PRKCA: variants seen among roughly 807,000 people sequenced by gnomAD.
PRKCA encodes the protein protein kinase C alpha type.
PRKCA carries 27 observed loss-of-function variants against 87.0 expected under a neutral mutation model. That is an observed-to-expected ratio of 0.31 (90% CI 0.23 to 0.43). PRKCA has a LOEUF of 0.43. Ranked by LOEUF, PRKCA falls within the 20% of genes least tolerant of loss-of-function variation. PRKCA has a pLI of 1.00. For missense variants in PRKCA, 518 were observed against 852.3 expected (o/e 0.61, Z 4.88); for synonymous variants, 329 against 311.1 (o/e 1.06, Z -0.61).
In PRKCA at chr17:66,578,169, T is replaced by C. The variant is rs568584908; in HGVS notation, c.289-63186T>C. On this transcript the variant is annotated intron_variant, in intron 3 of 16. Coordinates refer to ENST00000413366, the MANE Select transcript of PRKCA (RefSeq NM_002737.3). ...ACAAAACAAAACAAAACAGCCCTCA[T>C]TGTCTCCCTTTGATATTTGCCTTTC... Among the ~76,000 whole-genome samples the C allele has an allele frequency of 1.8e-4, 28 of 151,714 alleles. No homozygotes were observed. In the South Asian group the frequency reaches 5.6e-3, roughly 31 times the overall value.
chr17:66,457,981 G>A (rs1483233967), intron 2 of PRKCA, among the ~76,000 whole-genome samples: 2 of 151,954 alleles, frequency 1.3e-5, no homozygotes, highest in East Asian at 3.9e-4. Context: ...TATCCTCATG[G>A]GCTCTTTTTG....
chr17:66,799,698 T>C (rs1321028933), intron 16 of PRKCA, among the ~76,000 whole-genome samples: 2 of 150,676 alleles, frequency 1.3e-5, no homozygotes, highest in African/African-American at 4.9e-5. Context: ...GTGGTGGTGG[T>C]GATGAGGGTA....
intron 5 of PRKCA, among the ~76,000 whole-genome samples, chr17:66,670,476 C>T (rs930842368): frequency 3.9e-5 from 6 of 152,288 alleles, no homozygotes; most frequent in Non-Finnish European, 7.3e-5. Flanking sequence ...AAGATGCTAT[C>T]TCATTCTTTC....
At position 66,576,926 on chromosome 17, in the gene PRKCA, G is replaced by A. The variant is rs1484909481; in HGVS notation, c.289-64429G>A. Among the ~76,000 whole-genome samples, 4 of 149,932 alleles carry A rather than the reference G, an allele frequency of 2.7e-5. No homozygotes were observed. In the East Asian group the frequency reaches 5.9e-4, roughly 22 times the overall value. Reference sequence around the variant, plus strand: ...GTCTTGCTCTTTAACCCAGGCTGGAGTCCAGTGGTGCGATCTTGGCTCACT... The same window carrying A: ...GTCTTGCTCTTTAACCCAGGCTGGAATCCAGTGGTGCGATCTTGGCTCACT... On this transcript the variant is annotated intron_variant, in intron 3 of 16. Transcript: ENST00000413366.
chr17:66,567,934 A>T (rs1424894708), intron 3 of PRKCA, among the ~76,000 whole-genome samples: 1 of 152,228 alleles, frequency 6.6e-6, no homozygotes, highest in Non-Finnish European at 1.5e-5. Context: ...CAATATTTCT[A>T]TGTGTTTCCT....
chr17:66,546,695 G>C (rs999198573), intron 3 of PRKCA, among the ~76,000 whole-genome samples: 1 of 152,156 alleles, frequency 6.6e-6, no homozygotes. Flanking sequence ...CATTTGCAAA[G>C]ACCTTATTTC....
intron 3 of PRKCA, among the ~76,000 whole-genome samples, chr17:66,571,816 TG>T (rs1969086805): frequency 6.6e-6 from 1 of 152,044 alleles, no homozygotes; most frequent in African/African-American, 2.4e-5. Flanking sequence ...GGTAGAAAAA[TG>T]GGTGGTAGAT....
intron 3 of PRKCA, among the ~76,000 whole-genome samples, chr17:66,596,058 G>A (rs930279405): frequency 2.6e-5 from 4 of 152,138 alleles, no homozygotes; most frequent in Admixed American, 6.5e-5. Context: ...CAGGGACCCC[G>A]TTTGCACAGC....
At chr17:66,540,920 G>A (rs1293306450) in intron 3 of PRKCA, among the ~76,000 whole-genome samples, 1 of 152,128 alleles carries the variant, frequency 6.6e-6, no homozygotes, top group Non-Finnish European at 1.5e-5. Context: ...TGAGAAAATG[G>A]TCACACCTAT....
At chr17:66,493,567 G>A (rs1916338174) in intron 2 of PRKCA, among the ~76,000 whole-genome samples, 1 of 151,896 alleles carries the variant, frequency 6.6e-6, no homozygotes, top group Non-Finnish European at 1.5e-5. Flanking sequence ...TGTCCTCCCT[G>A]CCTCCCTTCC....
At chr17:66,618,612 GGCTCCCAAAGA>G (rs1161518857) in intron 3 of PRKCA, among the ~76,000 whole-genome samples, 6 of 152,094 alleles carry the variant, frequency 3.9e-5, no homozygotes, top group African/African-American at 9.7e-5. Flanking sequence ...ATAGCTCTGT[GGCTCCCAAAGA>G]TAAGTCGTAG....
intron 16 of PRKCA, among the ~76,000 whole-genome samples, chr17:66,794,683 C>T (rs1023982730): frequency 3.3e-5 from 5 of 149,404 alleles, no homozygotes; most frequent in African/African-American, 7.4e-5. Flanking sequence ...TGCAGTGGCG[C>T]GATATCAGCT....
At chr17:66,747,056 T>C (rs1334235459) in intron 13 of PRKCA, among the ~76,000 whole-genome samples, 1 of 152,162 alleles carries the variant, frequency 6.6e-6, no homozygotes, top group Non-Finnish European at 1.5e-5. Flanking sequence ...TTATTTATTT[T>C]ATATAATTTT....
chr17:66,431,281 A>G (rs1186565079), intron 2 of PRKCA, among the ~76,000 whole-genome samples: 2 of 152,176 alleles, frequency 1.3e-5, no homozygotes, highest in Non-Finnish European at 2.9e-5. Flanking sequence ...GTTGCGCAAT[A>G]TTCATATTTA....
intron 14 of PRKCA, among the ~76,000 whole-genome samples, chr17:66,785,107 C>T (rs990282172): frequency 6.6e-6 from 1 of 152,136 alleles, no homozygotes; most frequent in African/African-American, 2.4e-5. Context: ...ACCAGACACC[C>T]AGGCCTCTCT....
rs368622674 is a variant in PRKCA, at chr17:66,341,191, A to G, written c.205+35064A>G. On this transcript the variant is annotated intron_variant, in intron 2 of 16. Transcript: ENST00000413366. Reference sequence around the variant, plus strand: ...TCTAGAAAGCTGCTAGCTTTCTACTATTTAAAATACAAATTTTGGGATATG... The same window carrying G: ...TCTAGAAAGCTGCTAGCTTTCTACTGTTTAAAATACAAATTTTGGGATATG... 1.2e-4 allele frequency among the ~76,000 whole-genome samples: 18 copies of G among 152,236 alleles called. No individual in the cohort carries two copies. The East Asian group carries it at 1.9e-3, about 16-fold the overall frequency.
chr17:66,717,622 A>G (rs555376103), intron 8 of PRKCA, among the ~76,000 whole-genome samples: 1 of 152,360 alleles, frequency 6.6e-6, no homozygotes, highest in South Asian at 2.1e-4. Context: ...ACCTTAGCAC[A>G]GGGAAACGTA....
At chr17:66,644,368 T>C (rs1044532037) in intron 4 of PRKCA, among the ~76,000 whole-genome samples, 3 of 152,170 alleles carry the variant, frequency 2.0e-5, no homozygotes, top group Admixed American at 1.3e-4. Flanking sequence ...AATAACCTTA[T>C]TAGCATCCTG....
At chr17:66,546,391 A>G (rs1968145298) in intron 3 of PRKCA, among the ~76,000 whole-genome samples, 1 of 152,232 alleles carries the variant, frequency 6.6e-6, no homozygotes, top group South Asian at 2.1e-4. Context: ...ATGTATTCAT[A>G]CACAGTTCTG....
Sources: gnomAD v4.1 joint callset for allele counts (sites outside exome capture counted in the v4.1 genomes callset) on GRCh38, gnomAD v4.1.1 for gene constraint, MANE v1.5 for transcripts, NCBI Gene and HGNC (gene_info 2026-07-23, HGNC 2026-07-21) for gene names.